KLHDC4: variants seen among roughly 807,000 people sequenced by gnomAD.
KLHDC4 encodes the protein kelch domain containing 4, also known as kelch domain-containing protein 4.
In KLHDC4, 90 loss-of-function variants were observed where a neutral mutation model predicts 62.4. The ratio of observed to expected loss-of-function variants is 1.44; its 90% CI spans 1.22 to 1.72. The LOEUF (loss-of-function observed/expected upper bound fraction) is 1.72, where lower values mean the gene tolerates loss of function less well. Among genes scored for constraint, KLHDC4 ranks in the 40% most tolerant of loss-of-function variants. KLHDC4 has a pLI of 0.00. For missense variants in KLHDC4, 1,025 were observed against 699.7 expected, an observed-to-expected ratio of 1.47 and a Z score of -5.25; for synonymous variants, 386 against 284.4, an observed-to-expected ratio of 1.36 and a Z score of -3.59.
intron 7 of KLHDC4, among the ~76,000 whole-genome samples, chr16:87,715,523 C>A (rs2142975661): frequency 6.6e-6 from 1 of 152,282 alleles, no homozygotes; most frequent in Non-Finnish European, 1.5e-5. Flanking sequence ...CCTGTCGCCT[C>A]CTCAGGTTCC....
intron 7 of KLHDC4, among the ~76,000 whole-genome samples, chr16:87,718,353 CCTCCCTCTCCCTCCACAGT>C (rs1332023791): frequency 4.0e-5 from 4 of 100,204 alleles, no homozygotes; most frequent in Admixed American, 1.0e-4. Context: ...TCCCCCTCCC[CCTCCCTCTCCCTCCACAGT>C]CTCCCTCTCC....
At chr16:87,717,991 T>C (rs937519874) in intron 7 of KLHDC4, among the ~76,000 whole-genome samples, 1 of 152,186 alleles carries the variant, frequency 6.6e-6, no homozygotes, top group Non-Finnish European at 1.5e-5. Context: ...AGGCCTGATC[T>C]GCTCACACGG....
At chr16:87,702,494 C>A in exon 1 of KLHDC4, 2 of 358,188 alleles carry the variant, frequency 5.6e-6, no homozygotes, top group Non-Finnish European at 1.1e-5. Context: ...CACACTTCTC[C>A]GGCAGCAACT....
At position 87,707,988 on chromosome 16, in the gene KLHDC4, C is replaced by T. The variant is rs1408979503; in HGVS notation, c.*89G>A. 8.3e-6 allele frequency: 4 copies of T among 479,906 alleles called. No individual in the cohort carries two copies. The highest frequency in any genetic ancestry group is 6.3e-5 in the East Asian group (1 of 15,984). The allele number at this position is 479,906 out of a possible 1,614,324, so 29.7% of individuals were successfully genotyped here. ...GCTCTCTCCTGTGCGTCAGGACGCA[C>T]GCTGGCCCCAAGAGCTTCACTCAAC... On this transcript the variant is annotated 3_prime_UTR_variant, in exon 12 of 12. Coordinates refer to ENST00000270583, the MANE Select transcript of KLHDC4 (RefSeq NM_017566.4).
intron 7 of KLHDC4, among the ~76,000 whole-genome samples, chr16:87,716,626 G>T (rs62055570): frequency 0.075 from 11,353 of 152,206 alleles, 580 homozygotes; most frequent in Non-Finnish European, 0.1. Context: ...TTGGAGAATA[G>T]TGTTAGAAAC....
At chr16:87,746,170 TGAGGCAGGAA>T (rs913334714) in intron 5 of KLHDC4, among the ~76,000 whole-genome samples, 2 of 152,004 alleles carry the variant, frequency 1.3e-5, no homozygotes, top group Non-Finnish European at 2.9e-5. Context: ...CTAGGGGGGC[TGAGGCAGGAA>T]GACCACTTGA....
chr16:87,742,156 T>C (rs2042332365), intron 5 of KLHDC4, among the ~76,000 whole-genome samples: 1 of 151,312 alleles, frequency 6.6e-6, no homozygotes, highest in Middle Eastern at 3.5e-3. Flanking sequence ...GGCCACATAG[T>C]GTGTGAACCC....
At position 87,756,240 on chromosome 16, in the gene KLHDC4, G is replaced by T. The variant is rs566447222; in HGVS notation, c.270+159C>A. On this transcript the variant is annotated intron_variant, in intron 3 of 11. Coordinates refer to ENST00000270583, the MANE Select transcript of KLHDC4 (RefSeq NM_017566.4). ...TCATCAACAGTCATGCCAGGGCCTG[G>T]AGCATCCTGGCGACGTCTCACATCA... is the stretch of plus-strand genomic sequence containing the variant. 7.0e-5 allele frequency: 40 copies of T among 572,162 alleles called. No individual in the cohort carries two copies. In the African/African-American group the frequency reaches 7.1e-4, roughly 10 times the overall value. 35.4% of individuals were successfully genotyped at this position (572,162 alleles called of 1,614,324 possible). A position where few individuals can be genotyped will look rare whatever the true frequency, so the allele number is the denominator to read the frequency against.
At chr16:87,706,889 G>A (rs2034801540), downstream of KLHDC4, among the ~76,000 whole-genome samples, 1 of 152,230 alleles carries the variant, frequency 6.6e-6, no homozygotes, top group African/African-American at 2.4e-5. Context: ...GGTGCTCACA[G>A]GGGCTCGCCA....
At chr16:87,701,589 G>C (rs971890801) in exon 1 of KLHDC4, 1 of 419,992 alleles carries the variant, frequency 2.4e-6, no homozygotes, top group Non-Finnish European at 4.9e-6. Flanking sequence ...CAGGCCGCTG[G>C]GTTTCTGGGG....
exon 1 of KLHDC4, chr16:87,701,720 T>C (rs1258221018): frequency 2.2e-6 from 1 of 456,794 alleles, no homozygotes; most frequent in Admixed American, 2.3e-5. Flanking sequence ...CGTGCGCCCA[T>C]GCCACCTGCT....
At chr16:87,738,361 A>G (rs1161242776) in intron 5 of KLHDC4, among the ~76,000 whole-genome samples, 1 of 140,780 alleles carries the variant, frequency 7.1e-6, no homozygotes, top group African/African-American at 3.2e-5. Flanking sequence ...GGACGTGCAC[A>G]CACACACACA....
chr16:87,732,428 G>GTACA (rs2040548907), intron 5 of KLHDC4, among the ~76,000 whole-genome samples: 1 of 152,044 alleles, frequency 6.6e-6, no homozygotes, highest in South Asian at 2.1e-4. Flanking sequence ...TCATCTAAGT[G>GTACA]TACATCTAAA....
At chr16:87,742,455 G>T (rs984574614) in intron 5 of KLHDC4, among the ~76,000 whole-genome samples, 2 of 152,170 alleles carry the variant, frequency 1.3e-5, no homozygotes, top group Non-Finnish European at 2.9e-5. Context: ...CTTCTTTTAA[G>T]CAGCAACTAA....
chr16:87,707,246 G>T (rs529750478), downstream of KLHDC4, among the ~76,000 whole-genome samples: 1 of 152,244 alleles, frequency 6.6e-6, no homozygotes, highest in South Asian at 2.1e-4. Context: ...CTGAAGCCAG[G>T]AGGAGCTGGA....
intron 5 of KLHDC4, among the ~76,000 whole-genome samples, chr16:87,734,817 G>C (rs1022293241): frequency 6.6e-6 from 1 of 152,060 alleles, no homozygotes; most frequent in Non-Finnish European, 1.5e-5. Flanking sequence ...CTCCGGGCTT[G>C]GCACCGCAGG....
At chr16:87,754,232 G>C (rs1246054971) in intron 4 of KLHDC4, among the ~76,000 whole-genome samples, 1 of 152,138 alleles carries the variant, frequency 6.6e-6, no homozygotes, top group Non-Finnish European at 1.5e-5. Context: ...TGTAATCCCA[G>C]TTACTCAGGA....
exon 1 of KLHDC4, chr16:87,698,419 G>A (rs1425246315): frequency 6.6e-6 from 1 of 152,132 alleles, no homozygotes; most frequent in East Asian, 1.9e-4. Flanking sequence ...AAAGATCACA[G>A]CTGCTTTTGT....
At chr16:87,736,517 C>A (rs1367878152) in intron 5 of KLHDC4, among the ~76,000 whole-genome samples, 2 of 152,140 alleles carry the variant, frequency 1.3e-5, no homozygotes, top group African/African-American at 4.8e-5. Flanking sequence ...CCAGGGAGAG[C>A]CGTGTGCATG....
Sources: gnomAD v4.1 joint callset for allele counts (sites outside exome capture counted in the v4.1 genomes callset) on GRCh38, gnomAD v4.1.1 for gene constraint, MANE v1.5 for transcripts, NCBI Gene and HGNC (gene_info 2026-07-23, HGNC 2026-07-21) for gene names.